Variants in MAGI2 observed in about 807,000 individuals in gnomAD.
The protein encoded by MAGI2 is membrane-associated guanylate kinase, WW and PDZ domain-containing protein 2.
MAGI2 carries 35 observed loss-of-function variants against 133.3 expected under a neutral mutation model. The ratio of observed to expected loss-of-function variants is 0.26; its 90% CI spans 0.20 to 0.35. MAGI2 has a LOEUF of 0.35. Among genes scored for constraint, MAGI2 ranks in the 10% least tolerant of loss-of-function variants. MAGI2 has a pLI of 1.00. For synonymous variants in MAGI2, 729 were observed against 710.6 expected (o/e 1.03, Z -0.41); for missense variants, 1,636 against 1,863.4 (o/e 0.88, Z 2.25).
intron 2 of MAGI2, among the ~76,000 whole-genome samples, chr7:78,665,724 C>G (rs948707510): frequency 1.2e-4 from 19 of 152,012 alleles, no homozygotes; most frequent in African/African-American, 4.6e-4. Flanking sequence ...AACCATATAT[C>G]TAGGATAAAA....
chr7:78,093,795 C>T (rs1817458658), intron 20 of MAGI2, among the ~76,000 whole-genome samples: 1 of 152,162 alleles, frequency 6.6e-6, no homozygotes, highest in South Asian at 2.1e-4. Context: ...ACTGAGATCT[C>T]AATTAATTGC....
At chr7:78,782,391 G>A (rs1826469301) in intron 2 of MAGI2, among the ~76,000 whole-genome samples, 1 of 152,130 alleles carries the variant, frequency 6.6e-6, no homozygotes, top group African/African-American at 2.4e-5. Flanking sequence ...GTCAGTGCGG[G>A]GCAGGTGAGT....
chr7:78,195,705 C>A (rs1446275292), intron 11 of MAGI2, among the ~76,000 whole-genome samples: 2 of 152,160 alleles, frequency 1.3e-5, no homozygotes, highest in East Asian at 3.9e-4. Context: ...AATTTAAAGA[C>A]CTGCAGAGTA....
At chr7:78,969,664 C>T (rs1331494725) in intron 2 of MAGI2, among the ~76,000 whole-genome samples, 4 of 151,980 alleles carry the variant, frequency 2.6e-5, no homozygotes, top group African/African-American at 4.8e-5. Context: ...TGAAGTAAAC[C>T]TTAAAAGTGA....
intron 1 of MAGI2, among the ~76,000 whole-genome samples, chr7:79,398,762 T>C (rs1845239291): frequency 6.6e-6 from 1 of 152,192 alleles, no homozygotes; most frequent in Non-Finnish European, 1.5e-5. Flanking sequence ...CAATCTAAAA[T>C]ACTGAGATTA....
intron 6 of MAGI2, chr7:78,484,437 A>G (rs1188082934): frequency 2.6e-5 from 4 of 151,958 alleles, no homozygotes; most frequent in African/African-American, 9.7e-5. Flanking sequence ...CTGTAGTAAC[A>G]TAAGAAAACT....
chr7:79,025,524 A>G (rs1018718138), intron 1 of MAGI2, among the ~76,000 whole-genome samples: 3 of 152,132 alleles, frequency 2.0e-5, no homozygotes, highest in Non-Finnish European at 4.4e-5. Context: ...AAAGGAATAG[A>G]ATGTGTGTTT....
intron 1 of MAGI2, among the ~76,000 whole-genome samples, chr7:79,380,622 T>C (rs897007434): frequency 4.0e-5 from 6 of 151,784 alleles, no homozygotes; most frequent in Non-Finnish European, 7.4e-5. Flanking sequence ...TCTTCTATCA[T>C]TACTATTTTG....
In MAGI2 at chr7:78,745,339, A is replaced by T. The variant is rs546398970; in HGVS notation, c.419-118100T>A. ...CTGTGCATTTCCCACAGTACCAGTG[A>T]AAAGATTCAATGAGAGGTGAGAGCA... On this transcript the variant is annotated intron_variant, in intron 2 of 21. Transcript: ENST00000354212. Among the ~76,000 whole-genome samples the T allele has an allele frequency of 2.6e-5, 4 of 152,270 alleles. No individual in the cohort carries two copies. In the South Asian group the frequency reaches 8.3e-4, roughly 32 times the overall value.
At chr7:79,230,005 A>G (rs1459596266) in intron 1 of MAGI2, among the ~76,000 whole-genome samples, 1 of 133,908 alleles carries the variant, frequency 7.5e-6, no homozygotes, top group Admixed American at 8.5e-5. Flanking sequence ...ATGTGATCTC[A>G]TTGTTCAATT....
chr7:79,165,929 C>G (rs1040554061), intron 1 of MAGI2, among the ~76,000 whole-genome samples: 2 of 152,032 alleles, frequency 1.3e-5, no homozygotes, highest in Non-Finnish European at 2.9e-5. Flanking sequence ...AGGCAGGTAA[C>G]AAACTCATTG....
chr7:78,106,373 ACAG>A (rs1488440629), intron 20 of MAGI2, among the ~76,000 whole-genome samples: 6 of 151,974 alleles, frequency 3.9e-5, no homozygotes, highest in Non-Finnish European at 8.8e-5. Context: ...TGAGTACCTA[ACAG>A]CAGGATTTCT....
intron 1 of MAGI2, among the ~76,000 whole-genome samples, chr7:79,376,647 C>T (rs1417138910): frequency 1.3e-5 from 2 of 151,850 alleles, no homozygotes; most frequent in African/African-American, 4.8e-5. Flanking sequence ...CTAGGTGGAA[C>T]AGAGCAGGGT....
At chr7:79,015,352 C>CT (rs11418338) in intron 1 of MAGI2, among the ~76,000 whole-genome samples, 102,427 of 151,748 alleles carry the variant, frequency 0.67, 34,714 homozygotes, top group Non-Finnish European at 0.7. Context: ...TATTTTTTTT[C>CT]AACCTGCTGA....
intron 2 of MAGI2, among the ~76,000 whole-genome samples, chr7:78,698,294 C>A (rs1817718204): frequency 6.6e-6 from 1 of 152,140 alleles, no homozygotes; most frequent in Non-Finnish European, 1.5e-5. Context: ...GTTCCAAAAT[C>A]TGAAAAATTT....
chr7:78,471,293 T>C (rs1437887950), intron 6 of MAGI2, among the ~76,000 whole-genome samples: 1 of 152,142 alleles, frequency 6.6e-6, no homozygotes, highest in African/African-American at 2.4e-5. Context: ...AGCTATATTT[T>C]CTTAGATTTA....
In MAGI2 at chr7:78,337,208, A is replaced by T. The variant is rs1253617911; in HGVS notation, c.1408+6570T>A. Among the ~76,000 whole-genome samples the T allele has an allele frequency of 2.0e-5, 3 of 152,226 alleles. No individual in the cohort carries two copies. In the East Asian group the frequency reaches 5.8e-4, roughly 29 times the overall value. On this transcript the variant is annotated intron_variant, in intron 9 of 21. Coordinates refer to ENST00000354212, the MANE Select transcript of MAGI2 (RefSeq NM_012301.4). ...CTAGTGTTTACAAATGATTGCTGGG[A>T]TGTGTAGAATACTTAATAACCAGAA...
At chr7:78,099,209 T>A (rs995115610) in intron 20 of MAGI2, among the ~76,000 whole-genome samples, 34 of 152,204 alleles carry the variant, frequency 2.2e-4, no homozygotes, top group Admixed American at 9.2e-4. Flanking sequence ...AGTTAATCCT[T>A]AGATGTTTAA....
chr7:78,194,719 C>T (rs1475456956), intron 12 of MAGI2, among the ~76,000 whole-genome samples, 155 bp downstream of exon 12: 1 of 152,164 alleles, frequency 6.6e-6, no homozygotes, highest in African/African-American at 2.4e-5. Flanking sequence ...AGTCAACAGG[C>T]TTTCTAAGAT....
Sources: gnomAD v4.1 joint callset for allele counts (sites outside exome capture counted in the v4.1 genomes callset) on GRCh38, gnomAD v4.1.1 for gene constraint, MANE v1.5 for transcripts, NCBI Gene and HGNC (gene_info 2026-07-23, HGNC 2026-07-21) for gene names.